Variants in STXBP6 observed in about 807,000 individuals in gnomAD.
STXBP6 encodes the protein syntaxin binding protein 6, also known as syntaxin-binding protein 6.
A neutral mutation model predicts 26.9 loss-of-function variants in STXBP6; 21 were observed. The ratio of observed to expected loss-of-function variants is 0.78; its 90% CI spans 0.55 to 1.12. The LOEUF (loss-of-function observed/expected upper bound fraction) is 1.12, where lower values mean the gene tolerates loss of function less well. STXBP6 is among the 50% of genes most tolerant of loss of function. The pLI is 0.00. For missense variants in STXBP6, 232 were observed against 257.9 expected (o/e 0.90, Z 0.69); for synonymous variants, 97 against 92.6 (o/e 1.05, Z -0.27).
chr14:25,009,560 C>A (rs189456001), intron 1 of STXBP6, among the ~76,000 whole-genome samples: 1 of 152,290 alleles, frequency 6.6e-6, no homozygotes, highest in East Asian at 1.9e-4. Flanking sequence ...AGAAACCCAA[C>A]AAGCCCAGTC....
chr14:25,013,932 G>C (rs2075091367), intron 1 of STXBP6, among the ~76,000 whole-genome samples: 1 of 152,160 alleles, frequency 6.6e-6, no homozygotes, highest in Admixed American at 6.5e-5. Context: ...TTGATTGTTA[G>C]AGAATTTTTT....
chr14:24,831,395 A>G (rs2068449468), intron 4 of STXBP6, among the ~76,000 whole-genome samples: 1 of 152,316 alleles, frequency 6.6e-6, no homozygotes. Flanking sequence ...TACCAAGCAG[A>G]GTACAGGACC....
At chr14:24,987,512 C>CAGGTGCCCTGATTCTTGAAA (rs2140269011) in intron 1 of STXBP6, among the ~76,000 whole-genome samples, 2 of 152,246 alleles carry the variant, frequency 1.3e-5, no homozygotes, top group Non-Finnish European at 2.9e-5. Flanking sequence ...GCAAGCACAT[C>CAGGTGCCCTGATTCTTGAAA]AGCATGTCAG....
At chr14:24,906,298 AT>A (rs2071384462) in intron 2 of STXBP6, among the ~76,000 whole-genome samples, 1 of 152,298 alleles carries the variant, frequency 6.6e-6, no homozygotes, top group Admixed American at 6.5e-5. Context: ...TATTAATGAT[AT>A]TCTACAATGC....
intron 1 of STXBP6, among the ~76,000 whole-genome samples, chr14:24,991,247 G>A (rs992916053): frequency 5.3e-5 from 8 of 152,166 alleles, no homozygotes; most frequent in African/African-American, 1.9e-4. Context: ...CCCACTTCCA[G>A]TACATATGCA....
At position 24,833,416 on chromosome 14, in the gene STXBP6, C is replaced by A. The variant is rs910139940; in HGVS notation, c.452-14222G>T. On this transcript the variant is annotated intron_variant, in intron 4 of 5. Transcript: ENST00000323944. ...TGTTGGTTGACTTATTTGTACAGCTCATTAAACTAGGAGCTTCTTGATTAC... is the reference window on the plus strand; with the variant it reads ...TGTTGGTTGACTTATTTGTACAGCTAATTAAACTAGGAGCTTCTTGATTAC... Among the ~76,000 whole-genome samples, 5 of 152,274 alleles carry A rather than the reference C, an allele frequency of 3.3e-5. No homozygotes were observed. The East Asian group carries it at 9.6e-4, about 29-fold the overall frequency.
intron 1 of STXBP6, among the ~76,000 whole-genome samples, chr14:25,007,210 G>A (rs890427525): frequency 6.6e-6 from 1 of 152,150 alleles, no homozygotes; most frequent in Non-Finnish European, 1.5e-5. Context: ...TTTGTTGAAC[G>A]AATACAATTG....
chr14:25,047,497 A>G (rs1378563252), intron 1 of STXBP6, among the ~76,000 whole-genome samples: 2 of 152,194 alleles, frequency 1.3e-5, no homozygotes, highest in Admixed American at 6.5e-5. Context: ...CTCCCACTCC[A>G]TAAGTTAGTG....
At chr14:24,956,775 C>A (rs547835709) in intron 2 of STXBP6, among the ~76,000 whole-genome samples, 1 of 152,172 alleles carries the variant, frequency 6.6e-6, no homozygotes, top group Admixed American at 6.5e-5. Flanking sequence ...GCCTTCAACA[C>A]CAAAAACCCA....
chr14:25,019,579 C>CTA (rs1285721723), intron 1 of STXBP6, among the ~76,000 whole-genome samples: 1 of 152,178 alleles, frequency 6.6e-6, no homozygotes, highest in African/African-American at 2.4e-5. Flanking sequence ...CTGCTGTAAG[C>CTA]TATAAGACAT....
intron 2 of STXBP6, among the ~76,000 whole-genome samples, chr14:24,893,546 A>G (rs906692691): frequency 6.6e-6 from 1 of 152,212 alleles, no homozygotes; most frequent in African/African-American, 2.4e-5. Flanking sequence ...GGCAATATAT[A>G]TAAAAACAAA....
At chr14:24,909,964 T>G (rs1462838233) in intron 2 of STXBP6, among the ~76,000 whole-genome samples, 1 of 151,900 alleles carries the variant, frequency 6.6e-6, no homozygotes, top group Admixed American at 6.5e-5. Flanking sequence ...GGCCGTAGTT[T>G]CCTCATGTGT....
At chr14:24,980,121 T>G (rs796472006) in intron 1 of STXBP6, among the ~76,000 whole-genome samples, 1 of 152,244 alleles carries the variant, frequency 6.6e-6, no homozygotes, top group Non-Finnish European at 1.5e-5. Context: ...GATGTTATTA[T>G]ATATCACTAA....
In STXBP6 at chr14:24,936,339, C is replaced by A. The variant is rs568652647; in HGVS notation, c.154+38326G>T. 1.2e-4 allele frequency among the ~76,000 whole-genome samples: 19 copies of A among 152,256 alleles called. No individual in the cohort carries two copies. The South Asian group carries it at 3.7e-3, about 30-fold the overall frequency. ...AAAAACCCTACTGTCATTGGATGCA[C>A]CAAAACCAGGTTGGCATGCTCTTTG... On this transcript the variant is annotated intron_variant, in intron 2 of 5. Transcript: ENST00000323944.
chr14:25,005,736 A>C (rs1438554840), intron 1 of STXBP6, among the ~76,000 whole-genome samples: 3 of 152,162 alleles, frequency 2.0e-5, no homozygotes, highest in Admixed American at 2.0e-4. Flanking sequence ...GGAAGTGATG[A>C]AAAAATAAAA....
chr14:25,015,220 T>TAA (rs1049200822), intron 1 of STXBP6, among the ~76,000 whole-genome samples: 1 of 151,604 alleles, frequency 6.6e-6, no homozygotes, highest in African/African-American at 2.4e-5. Context: ...AGAACTGCTT[T>TAA]AAAAAAAAAT....
chr14:24,847,432 A>C (rs929735220), intron 4 of STXBP6, among the ~76,000 whole-genome samples: 3 of 152,162 alleles, frequency 2.0e-5, no homozygotes, highest in Non-Finnish European at 4.4e-5. Context: ...GTTAATGTTA[A>C]ACTTTCTTTT....
intron 4 of STXBP6, among the ~76,000 whole-genome samples, chr14:24,820,532 A>G (rs1271489644): frequency 1.3e-5 from 2 of 152,216 alleles, no homozygotes; most frequent in Non-Finnish European, 2.9e-5. Flanking sequence ...ATAAATAGGG[A>G]GCAGAGGAAA....
chr14:25,020,542 T>C (rs948879805), intron 1 of STXBP6, among the ~76,000 whole-genome samples: 2 of 152,158 alleles, frequency 1.3e-5, no homozygotes, highest in African/African-American at 4.8e-5. Flanking sequence ...CCCAACCCTA[T>C]CGAAACTCTG....
Sources: allele counts gnomAD v4.1 joint callset (sites outside exome capture counted in the v4.1 genomes callset), GRCh38; gene constraint gnomAD v4.1.1; transcripts MANE v1.5; gene names NCBI Gene and HGNC (gene_info 2026-07-23, HGNC 2026-07-21).